Variants in ASIC2 observed in about 807,000 individuals in gnomAD.
ASIC2 encodes acid-sensing ion channel 2.
Under a neutral mutation model 57.3 loss-of-function variants are expected in ASIC2, and 25 were observed. The ratio of observed to expected loss-of-function variants is 0.44; its 90% CI spans 0.32 to 0.61. The LOEUF (loss-of-function observed/expected upper bound fraction) is 0.61. Ranked by LOEUF, ASIC2 falls within the 20% of genes least tolerant of loss-of-function variation. The probability of loss-of-function intolerance (pLI) is 0.06; values close to 1 mark genes in which losing one functional copy is unlikely to be tolerated. For missense variants in ASIC2, 641 were observed against 738.1 expected (o/e 0.87, Z 1.52); for synonymous variants, 319 against 307.5 (o/e 1.04, Z -0.39).
At chr17:34,113,202 G>A (rs34033761) in intron 1 of ASIC2, among the ~76,000 whole-genome samples, 7,478 of 152,216 alleles carry the variant, frequency 0.049, 576 homozygotes, top group African/African-American at 0.16. Flanking sequence ...GACATTGCCC[G>A]AAGAGAGGGG....
chr17:33,542,208 G>A (rs891753899), intron 1 of ASIC2, among the ~76,000 whole-genome samples: 38 of 152,050 alleles, frequency 2.5e-4, no homozygotes, highest in East Asian at 7.8e-4. Flanking sequence ...ATAAACATAC[G>A]TGTGCACGTG....
At chr17:33,621,527 C>A (rs1905799219) in intron 1 of ASIC2, among the ~76,000 whole-genome samples, 1 of 152,166 alleles carries the variant, frequency 6.6e-6, no homozygotes, top group Admixed American at 6.5e-5. Context: ...ATCATCCTCC[C>A]CACAACCCAT....
chr17:33,770,421 C>T (rs1035931197), intron 1 of ASIC2, among the ~76,000 whole-genome samples: 1 of 152,206 alleles, frequency 6.6e-6, no homozygotes, highest in Non-Finnish European at 1.5e-5. Flanking sequence ...GCACAAAATA[C>T]AGGCTTAATG....
rs147751492 is a variant in ASIC2, at chr17:33,683,846, G to A, written c.555+472132C>T. Among the ~76,000 whole-genome samples, 417 of 152,192 alleles carry A rather than the reference G, an allele frequency of 2.7e-3. 2 individuals carry two copies. Among genetic ancestry groups the A allele is most frequent in the South Asian group, 3.9e-3 (19 of 4,818 alleles). On this transcript the variant is annotated intron_variant, in intron 1 of 9. Transcript: ENST00000359872. ...CTTTTTAGAAGGACACAGTTACATCGGATTAGGAGCCCACCCTTTTCCCGT... is the reference window on the plus strand; with the variant it reads ...CTTTTTAGAAGGACACAGTTACATCAGATTAGGAGCCCACCCTTTTCCCGT...
chr17:33,998,158 G>T (rs949863901), intron 1 of ASIC2, among the ~76,000 whole-genome samples: 3 of 151,826 alleles, frequency 2.0e-5, no homozygotes, highest in Non-Finnish European at 4.4e-5. Context: ...TTTTTCCTAG[G>T]TTATCTAATT....
chr17:33,428,386 C>T (rs750757376), intron 1 of ASIC2, among the ~76,000 whole-genome samples: 9 of 152,102 alleles, frequency 5.9e-5, no homozygotes, highest in African/African-American at 1.7e-4. Flanking sequence ...ATTAGAGAAT[C>T]GAGTGAGTAA....
At chr17:33,121,065 T>G (rs1046561774) in intron 1 of ASIC2, among the ~76,000 whole-genome samples, 2 of 152,222 alleles carry the variant, frequency 1.3e-5, no homozygotes, top group Non-Finnish European at 2.9e-5. Context: ...ATAATGGGCC[T>G]GAAAGTTCTC....
chr17:33,360,703 G>C (rs1908566062), intron 1 of ASIC2, among the ~76,000 whole-genome samples: 1 of 152,048 alleles, frequency 6.6e-6, no homozygotes, highest in Non-Finnish European at 1.5e-5. Flanking sequence ...TCTCACACTG[G>C]CTCATTGGTT....
In ASIC2 at chr17:33,608,665, A is replaced by G. The variant is rs9908718; in HGVS notation, c.556-496598T>C. 2.6e-3 allele frequency among the ~76,000 whole-genome samples: 396 copies of G among 152,278 alleles called. 2 individuals are homozygous for G. Among genetic ancestry groups the G allele is most frequent in the African/African-American group, 9.1e-3 (380 of 41,562 alleles). Reference sequence around the variant, plus strand: ...CTCTGGGCACCAGTTGAGAAGCAACACAGGTCTCCTTTGCTCTAAGATCCC... The same window carrying G: ...CTCTGGGCACCAGTTGAGAAGCAACGCAGGTCTCCTTTGCTCTAAGATCCC... On this transcript the variant is annotated intron_variant, in intron 1 of 9. Coordinates refer to the ASIC2 transcript ENST00000359872.
At chr17:33,431,596 T>A (rs746271897) in intron 1 of ASIC2, among the ~76,000 whole-genome samples, 1 of 152,030 alleles carries the variant, frequency 6.6e-6, no homozygotes, top group Non-Finnish European at 1.5e-5. Context: ...CAGAGTCATA[T>A]AAAAACTGGG....
At chr17:33,098,040 T>C (rs1315266420) in intron 2 of ASIC2, among the ~76,000 whole-genome samples, 3 of 152,170 alleles carry the variant, frequency 2.0e-5, no homozygotes, top group Non-Finnish European at 4.4e-5. Flanking sequence ...CACTACCTAA[T>C]TGCCGGGTGA....
chr17:33,735,043 C>G (rs1295201602), intron 1 of ASIC2, among the ~76,000 whole-genome samples: 1 of 152,170 alleles, frequency 6.6e-6, no homozygotes, highest in Non-Finnish European at 1.5e-5. Context: ...TTGGAATGCT[C>G]TTCTCTGAGA....
chr17:33,778,703 C>T (rs780724415), intron 1 of ASIC2, among the ~76,000 whole-genome samples: 39 of 152,190 alleles, frequency 2.6e-4, no homozygotes, highest in Non-Finnish European at 4.7e-4. Context: ...AGTGACTCAA[C>T]CTCTCTGAGC....
At chr17:34,152,523 C>T (rs1223746917) in intron 1 of ASIC2, among the ~76,000 whole-genome samples, 1 of 152,172 alleles carries the variant, frequency 6.6e-6, no homozygotes, top group Non-Finnish European at 1.5e-5. Context: ...CCTCTCCCTC[C>T]CTGGTTTCAT....
chr17:33,483,647 T>A (rs1913486510), intron 1 of ASIC2, among the ~76,000 whole-genome samples: 1 of 152,216 alleles, frequency 6.6e-6, no homozygotes, highest in Non-Finnish European at 1.5e-5. Flanking sequence ...AGAAAGACTT[T>A]CCTTTCCAGG....
intron 1 of ASIC2, among the ~76,000 whole-genome samples, chr17:33,594,990 G>A (rs1281053659): frequency 6.6e-6 from 1 of 152,132 alleles, no homozygotes; most frequent in Non-Finnish European, 1.5e-5. Flanking sequence ...GGAGGCCCAG[G>A]TGGGATGATC....
intron 1 of ASIC2, among the ~76,000 whole-genome samples, chr17:33,506,038 A>C (rs12941900): frequency 1 from 152,310 of 152,310 alleles, 76,155 homozygotes; most frequent in Non-Finnish European, 1. Context: ...AGGTTTCCAT[A>C]TCTGCAGTCT....
At chr17:33,180,202 G>A (rs532698148) in intron 1 of ASIC2, among the ~76,000 whole-genome samples, 355 of 152,258 alleles carry the variant, frequency 2.3e-3, no homozygotes, top group Admixed American at 3.9e-3. Context: ...TTCTATTTAC[G>A]TCCACCTTTT....
rs1208633211 is a variant in ASIC2 at position 33,112,240 on chromosome 17, C to T, written c.709-173G>A. ...ATCCTGGCTGTGGGCCTGACTTGTACCAAGTGAAATTTTGGCATCAAAGAG... is the reference window on the plus strand; with the variant it reads ...ATCCTGGCTGTGGGCCTGACTTGTATCAAGTGAAATTTTGGCATCAAAGAG... On this transcript the variant is annotated intron_variant, in intron 1 of 9. Coordinates refer to ENST00000225823, the MANE Select transcript of ASIC2 (RefSeq NM_183377.2). The T allele has an allele frequency of 3.4e-6, 3 of 881,662 alleles. No individual in the cohort carries two copies. The Admixed American group carries it at 9.6e-5, about 28-fold the overall frequency. 54.6% of individuals were successfully genotyped at this position (881,662 alleles called of 1,614,324 possible). A position where few individuals can be genotyped will look rare whatever the true frequency, so the allele number is the denominator to read the frequency against.
Sources: gnomAD v4.1 joint callset for allele counts (sites outside exome capture counted in the v4.1 genomes callset) on GRCh38, gnomAD v4.1.1 for gene constraint, MANE v1.5 for transcripts, NCBI Gene and HGNC (gene_info 2026-07-23, HGNC 2026-07-21) for gene names.